PRKCB: variants seen among roughly 807,000 people sequenced by gnomAD.
PRKCB encodes the protein protein kinase C beta.
In PRKCB, 13 loss-of-function variants were observed where a neutral mutation model predicts 81.5. The observed-to-expected ratio is 0.16, with a 90% CI of 0.10 to 0.25. The LOEUF (loss-of-function observed/expected upper bound fraction) is 0.25. Among genes scored for constraint, PRKCB ranks in the 10% least tolerant of loss-of-function variants. The pLI, the probability that PRKCB is intolerant of heterozygous loss-of-function variation, is 1.00. For missense variants in PRKCB, 509 were observed against 875.7 expected (o/e 0.58, Z 5.29); for synonymous variants, 335 against 321.4 (o/e 1.04, Z -0.45).
At position 24,011,107 on chromosome 16, in the gene PRKCB, C is replaced by A. The variant is rs553070600; in HGVS notation, c.289-21029C>A. Among the ~76,000 whole-genome samples, 408 of 152,210 alleles carry A rather than the reference C, an allele frequency of 2.7e-3. 3 individuals carry two copies. Among genetic ancestry groups the A allele is most frequent in the African/African-American group, 9.3e-3 (387 of 41,514 alleles). On this transcript the variant is annotated intron_variant, in intron 3 of 16. Transcript: ENST00000643927. ...TCTCAAACTCTTGGGCTCAAGCAAT[C>A]CTCCCACCTTGGCCTCCCAAAGTGC... is the stretch of plus-strand genomic sequence containing the variant.
At chr16:24,212,809 C>G (rs1015743355) in intron 16 of PRKCB, among the ~76,000 whole-genome samples, 7 of 151,886 alleles carry the variant, frequency 4.6e-5, no homozygotes, top group Non-Finnish European at 1.0e-4. Flanking sequence ...CACCAGGACT[C>G]TCATTGGCCT....
chr16:23,948,407 C>G (rs1024933626), intron 2 of PRKCB, among the ~76,000 whole-genome samples: 2 of 152,112 alleles, frequency 1.3e-5, no homozygotes, highest in East Asian at 3.9e-4. Flanking sequence ...TCATTGAATT[C>G]TTTTTTTAAT....
chr16:23,980,712 G>A (rs1229128103), intron 2 of PRKCB, among the ~76,000 whole-genome samples: 1 of 151,862 alleles, frequency 6.6e-6, no homozygotes, highest in East Asian at 1.9e-4. Context: ...TGGATTTAAG[G>A]GTAAAGGTTG....
chr16:24,111,939 G>T (rs984332020), intron 7 of PRKCB, among the ~76,000 whole-genome samples: 2 of 152,146 alleles, frequency 1.3e-5, no homozygotes, highest in Admixed American at 1.3e-4. Flanking sequence ...CTATGAAAAA[G>T]GAATTTGTAT....
intron 5 of PRKCB, among the ~76,000 whole-genome samples, chr16:24,043,075 A>T (rs890909107): frequency 6.6e-6 from 1 of 152,176 alleles, no homozygotes; most frequent in Non-Finnish European, 1.5e-5. Flanking sequence ...TGACAAATGC[A>T]TATGACTGTC....
intron 2 of PRKCB, among the ~76,000 whole-genome samples, chr16:23,903,375 A>G (rs530603704): frequency 1.3e-5 from 2 of 152,190 alleles, no homozygotes; most frequent in East Asian, 3.9e-4. Flanking sequence ...TGCTCCGTAC[A>G]TCTGGGGATT....
At chr16:24,140,579 A>C (rs1259369552) in intron 9 of PRKCB, among the ~76,000 whole-genome samples, 1 of 152,144 alleles carries the variant, frequency 6.6e-6, no homozygotes, top group African/African-American at 2.4e-5. Flanking sequence ...AGGGGTGTGG[A>C]AAATGGTCCT....
rs534626047 is a variant in PRKCB, at chr16:24,050,111, AC to A, written c.529+14565del. On this transcript the variant is annotated intron_variant, in intron 5 of 16. Transcript: ENST00000643927. ...CAGGCACTGGTTTCACCCTTGGGTAACTCAGTACAGGTATGTTGACAGCCTT... is the reference window on the plus strand; with the variant it reads ...CAGGCACTGGTTTCACCCTTGGGTAATCAGTACAGGTATGTTGACAGCCTT... 3.6e-3 allele frequency among the ~76,000 whole-genome samples: 555 copies of A among 152,246 alleles called. 1 individual carries two copies. Among genetic ancestry groups the A allele is most frequent in the African/African-American group, 0.012 (513 of 41,544 alleles).
At chr16:23,905,059 TAA>T (rs10562833) in intron 2 of PRKCB, among the ~76,000 whole-genome samples, 127,911 of 138,342 alleles carry the variant, frequency 0.92, 59,030 homozygotes, top group South Asian at 0.98. Flanking sequence ...TTTTTTTTAA[TAA>T]AAAAAAAATA....
intron 2 of PRKCB, among the ~76,000 whole-genome samples, chr16:23,906,009 A>T (rs759053164): frequency 1.3e-4 from 20 of 152,214 alleles, no homozygotes; most frequent in Non-Finnish European, 7.3e-5. Context: ...ATAAACAATA[A>T]GGTAGTGAGC....
At chr16:23,869,808 G>A (rs1962873732) in intron 2 of PRKCB, among the ~76,000 whole-genome samples, 1 of 152,012 alleles carries the variant, frequency 6.6e-6, no homozygotes, top group Non-Finnish European at 1.5e-5. Context: ...GATCACCTGG[G>A]GTCAGGAGTT....
chr16:24,099,940 C>T (rs1344422856), intron 7 of PRKCB: 1 of 150,656 alleles, frequency 6.6e-6, no homozygotes, highest in Non-Finnish European at 1.5e-5. Flanking sequence ...GCCACTACAC[C>T]CAGCCTGGGT....
At chr16:24,173,636 T>G (rs921489214) in intron 11 of PRKCB, among the ~76,000 whole-genome samples, 3 of 152,236 alleles carry the variant, frequency 2.0e-5, no homozygotes, top group Non-Finnish European at 4.4e-5. Context: ...ACAAGACATG[T>G]CAAGACACTT....
At chr16:24,063,133 C>A (rs1965993367) in intron 5 of PRKCB, among the ~76,000 whole-genome samples, 1 of 151,998 alleles carries the variant, frequency 6.6e-6, no homozygotes, top group Admixed American at 6.6e-5. Context: ...CTCTTCAGGC[C>A]TAGGGGTAGC....
At chr16:23,896,898 ATCC>A (rs1963387922) in intron 2 of PRKCB, among the ~76,000 whole-genome samples, 1 of 151,718 alleles carries the variant, frequency 6.6e-6, no homozygotes, top group South Asian at 2.1e-4. Context: ...CCATCCATCC[ATCC>A]ATCCATCCAT....
At chr16:24,110,355 G>A (rs920493849) in intron 7 of PRKCB, among the ~76,000 whole-genome samples, 7 of 151,742 alleles carry the variant, frequency 4.6e-5, no homozygotes, top group African/African-American at 1.7e-4. Context: ...GGGACTACGG[G>A]CGCGTGCCAC....
chr16:23,955,490 G>A (rs1186916658), intron 2 of PRKCB, among the ~76,000 whole-genome samples: 3 of 152,068 alleles, frequency 2.0e-5, no homozygotes, highest in Non-Finnish European at 2.9e-5. Context: ...GGGGTGCCGC[G>A]CTTGCCCTCA....
At chr16:24,108,913 T>C (rs1478154508) in intron 7 of PRKCB, among the ~76,000 whole-genome samples, 1 of 150,456 alleles carries the variant, frequency 6.6e-6, no homozygotes, top group Non-Finnish European at 1.5e-5. Flanking sequence ...GGCTCCTCAC[T>C]TCCCAGTAGG....
intron 9 of PRKCB, among the ~76,000 whole-genome samples, chr16:24,152,589 C>T (rs1216035067): frequency 1.3e-5 from 2 of 152,180 alleles, no homozygotes; most frequent in Admixed American, 1.3e-4. Context: ...GCACATGTCC[C>T]GGCCCCAGCT....
Sources: gnomAD v4.1 joint callset for allele counts (sites outside exome capture counted in the v4.1 genomes callset) on GRCh38, gnomAD v4.1.1 for gene constraint, MANE v1.5 for transcripts, NCBI Gene and HGNC (gene_info 2026-07-23, HGNC 2026-07-21) for gene names.